BMERB1: variants seen among roughly 807,000 people sequenced by gnomAD.
The protein encoded by BMERB1 is bMERB domain containing 1.
Under a neutral mutation model 23.6 loss-of-function variants are expected in BMERB1, and 12 were observed. The ratio of observed to expected loss-of-function variants is 0.51; its 90% CI spans 0.33 to 0.82. BMERB1 has a LOEUF of 0.82. Among genes scored for constraint, BMERB1 ranks in the 40% least tolerant of loss-of-function variants. The pLI is 0.03. For synonymous variants in BMERB1, 122 were observed against 96.6 expected (o/e 1.26, Z -1.54); for missense variants, 247 against 255.4 (o/e 0.97, Z 0.22).
rs1247845315 is a variant in BMERB1, at chr16:15,587,968, TA to T, written c.*1143del. 6.5e-6 allele frequency: 1 copy of T among 152,766 alleles called. No individual in the cohort carries two copies. Among genetic ancestry groups the T allele is most frequent in the Non-Finnish European group, 1.5e-5 (1 of 68,172 alleles). 9.5% of individuals were successfully genotyped at this position (152,766 alleles called of 1,614,324 possible). On this transcript the variant is annotated 3_prime_UTR_variant, in exon 6 of 6. Coordinates refer to ENST00000300006, the MANE Select transcript of BMERB1 (RefSeq NM_033201.3). ...AATGGAAACCACGTTCACAGCATTTTAAAAGTTTTTACTTTTTTTCTTGATT... is the reference window on the plus strand; with the variant it reads ...AATGGAAACCACGTTCACAGCATTTTAAAGTTTTTACTTTTTTTCTTGATT...
intron 2 of BMERB1, among the ~76,000 whole-genome samples, chr16:15,561,018 C>T (rs2030403824): frequency 1.6e-5 from 2 of 128,310 alleles, no homozygotes; most frequent in Non-Finnish European, 3.2e-5. Context: ...TGCAGTGGCA[C>T]GATCTCAGCT....
At chr16:15,457,132 A>G (rs1316364601) in intron 1 of BMERB1, among the ~76,000 whole-genome samples, 2 of 152,202 alleles carry the variant, frequency 1.3e-5, no homozygotes, top group African/African-American at 2.4e-5. Flanking sequence ...AGCCTCCTCT[A>G]TACAAATAAT....
intron 1 of BMERB1, among the ~76,000 whole-genome samples, chr16:15,446,255 G>A (rs2050988097): frequency 6.6e-6 from 1 of 152,058 alleles, no homozygotes; most frequent in African/African-American, 2.4e-5. Context: ...AACTGGCTGA[G>A]TGTGATGATG....
intron 1 of BMERB1, among the ~76,000 whole-genome samples, chr16:15,436,115 C>G (rs1567444587): frequency 6.6e-6 from 1 of 152,068 alleles, no homozygotes; most frequent in East Asian, 1.9e-4. Context: ...TACAGGCATA[C>G]AATGTGTAAT....
intron 1 of BMERB1, among the ~76,000 whole-genome samples, chr16:15,458,717 C>CAA (rs1162694311): frequency 3.7e-5 from 3 of 80,300 alleles, no homozygotes; most frequent in Non-Finnish European, 5.4e-5. Flanking sequence ...ACCGTGTGTC[C>CAA]AAAAAAAAAA....
At chr16:15,564,187 T>A (rs1342870056) in intron 2 of BMERB1, among the ~76,000 whole-genome samples, 5 of 152,356 alleles carry the variant, frequency 3.3e-5, no homozygotes, top group African/African-American at 1.2e-4. Context: ...TATTATTTCC[T>A]CTTCATTAAA....
intron 2 of BMERB1, among the ~76,000 whole-genome samples, chr16:15,538,135 G>A (rs2052042943): frequency 6.6e-6 from 1 of 152,146 alleles, no homozygotes; most frequent in Non-Finnish European, 1.5e-5. Context: ...GTGGAGTTTG[G>A]TGAGCTATAC....
chr16:15,548,907 A>T (rs368047100), intron 2 of BMERB1, among the ~76,000 whole-genome samples: 1 of 152,186 alleles, frequency 6.6e-6, no homozygotes, highest in African/African-American at 2.4e-5. Flanking sequence ...AGCAGGGCTA[A>T]GCTGAGACAG....
chr16:15,448,300 T>A (rs1180840303), intron 1 of BMERB1, among the ~76,000 whole-genome samples: 1 of 152,154 alleles, frequency 6.6e-6, no homozygotes, highest in Admixed American at 6.5e-5. Flanking sequence ...TATCCCATGA[T>A]GAGGGCTGTA....
At chr16:15,437,239 C>A (rs1224522353) in intron 1 of BMERB1, among the ~76,000 whole-genome samples, 1 of 152,168 alleles carries the variant, frequency 6.6e-6, no homozygotes, top group Non-Finnish European at 1.5e-5. Context: ...TGGGTCCACG[C>A]AGAATGGAAG....
chr16:15,562,316 A>AC (rs1236176494), intron 2 of BMERB1, among the ~76,000 whole-genome samples: 1 of 151,666 alleles, frequency 6.6e-6, no homozygotes, highest in Non-Finnish European at 1.5e-5. Flanking sequence ...AAAAAAAAAA[A>AC]AAAACATAAA....
intron 2 of BMERB1, among the ~76,000 whole-genome samples, chr16:15,554,181 G>C (rs1172308332): frequency 6.6e-6 from 1 of 152,076 alleles, no homozygotes; most frequent in African/African-American, 2.4e-5. Context: ...CCTGATCTCT[G>C]TCTTCCTTGA....
At chr16:15,521,388 C>T (rs891573978) in intron 2 of BMERB1, among the ~76,000 whole-genome samples, 1 of 152,192 alleles carries the variant, frequency 6.6e-6, no homozygotes, top group Non-Finnish European at 1.5e-5. Flanking sequence ...TCTTAAGGCC[C>T]ACAACAGTTG....
intron 4 of BMERB1, 21 bp from the exon 5 acceptor site, chr16:15,583,135 T>C: frequency 6.4e-7 from 1 of 1,572,168 alleles, no homozygotes; most frequent in Non-Finnish European, 8.8e-7. Context: ...CTTCTTTTCT[T>C]TTACCCATCT....
intron 2 of BMERB1, among the ~76,000 whole-genome samples, chr16:15,525,712 A>AAAAAAAG (rs1206305023): frequency 6.6e-6 from 1 of 151,926 alleles, no homozygotes; most frequent in Non-Finnish European, 1.5e-5. Flanking sequence ...CTCAGAAAAA[A>AAAAAAAG]AAAAAAGAAA....
At chr16:15,576,591 T>G (rs1189240286) in intron 3 of BMERB1, among the ~76,000 whole-genome samples, 1 of 152,124 alleles carries the variant, frequency 6.6e-6, no homozygotes, top group African/African-American at 2.4e-5. Flanking sequence ...TGGTGCAAAC[T>G]GGATGGCTTA....
At chr16:15,458,689 C>G (rs911250304) in intron 1 of BMERB1, among the ~76,000 whole-genome samples, 31 of 150,320 alleles carry the variant, frequency 2.1e-4, no homozygotes, top group African/African-American at 6.9e-4. Flanking sequence ...TGCACTCCAG[C>G]CTGGGCAACA....
intron 3 of BMERB1, among the ~76,000 whole-genome samples, chr16:15,568,691 G>A (rs1596400237): frequency 6.6e-6 from 1 of 152,106 alleles, no homozygotes; most frequent in African/African-American, 2.4e-5. Context: ...ATGAGATGAT[G>A]CAAACTAAGT....
intron 2 of BMERB1, among the ~76,000 whole-genome samples, chr16:15,536,399 G>A (rs963109097): frequency 2.6e-5 from 4 of 152,060 alleles, no homozygotes; most frequent in Non-Finnish European, 4.4e-5. Flanking sequence ...ACAGCTGGAC[G>A]CATCTGACTC....
Sources: gnomAD v4.1 joint callset for allele counts (sites outside exome capture counted in the v4.1 genomes callset) on GRCh38, gnomAD v4.1.1 for gene constraint, MANE v1.5 for transcripts, NCBI Gene and HGNC (gene_info 2026-07-23, HGNC 2026-07-21) for gene names.